The following RNF152 variants were observed in gnomAD, a reference collection of about 807,000 sequenced individuals.
RNF152 encodes E3 ubiquitin-protein ligase RNF152.
RNF152 carries 11 observed loss-of-function variants against 12.7 expected under a neutral mutation model. That is an observed-to-expected ratio of 0.86 (90% confidence interval 0.54 to 1.43). The LOEUF (loss-of-function observed/expected upper bound fraction) is 1.43, where lower values mean the gene tolerates loss of function less well. Ranked by LOEUF, RNF152 falls within the 40% of genes most tolerant of loss-of-function variation. The pLI is 0.00. For missense variants in RNF152, 255 were observed against 274.8 expected (o/e 0.93, Z 0.51); for synonymous variants, 113 against 120.3 (o/e 0.94, Z 0.40).
At chr18:61,857,764 C>T (rs1158438311) in intron 1 of RNF152, among the ~76,000 whole-genome samples, 1 of 152,138 alleles carries the variant, frequency 6.6e-6, no homozygotes, top group East Asian at 1.9e-4. Context: ...TGGATAATAG[C>T]CTATCACAAA....
chr18:61,876,981 G>C (rs1413904925), intron 1 of RNF152, among the ~76,000 whole-genome samples: 1 of 152,172 alleles, frequency 6.6e-6, no homozygotes, highest in African/African-American at 2.4e-5. Context: ...TGTATTTCCT[G>C]GAGACAGGGA....
intron 1 of RNF152, among the ~76,000 whole-genome samples, chr18:61,828,177 C>T (rs1420845275): frequency 1.3e-5 from 2 of 152,208 alleles, no homozygotes; most frequent in Non-Finnish European, 2.9e-5. Flanking sequence ...CATACATCTG[C>T]CCCTATCTCT....
intron 1 of RNF152, among the ~76,000 whole-genome samples, chr18:61,884,681 T>C (rs551034868): frequency 6.6e-5 from 10 of 152,254 alleles, no homozygotes; most frequent in Non-Finnish European, 1.3e-4. Context: ...TGCCTCAGCC[T>C]CCAGAGTAGC....
chr18:61,852,100 C>T (rs148391715), intron 1 of RNF152, among the ~76,000 whole-genome samples: 51 of 152,206 alleles, frequency 3.4e-4, no homozygotes, highest in Middle Eastern at 6.8e-3. Context: ...AGGAATATGA[C>T]GAGGCCAGCA....
chr18:61,844,157 G>GAAA (rs1910633406), intron 1 of RNF152, among the ~76,000 whole-genome samples: 1 of 68,122 alleles, frequency 1.5e-5, no homozygotes, highest in African/African-American at 3.5e-5. Flanking sequence ...AGAAAAGGAA[G>GAAA]GAAGGGAGGA....
At chr18:61,821,348 T>C (rs77323740) in intron 1 of RNF152, among the ~76,000 whole-genome samples, 5,634 of 152,330 alleles carry the variant, frequency 0.037, 144 homozygotes, top group Admixed American at 0.057. Context: ...CTCTGATTTA[T>C]GCACTGATTT....
intron 1 of RNF152, among the ~76,000 whole-genome samples, chr18:61,827,197 C>T (rs1909710032): frequency 6.6e-6 from 1 of 152,164 alleles, no homozygotes; most frequent in Non-Finnish European, 1.5e-5. Context: ...CTATAGCAGG[C>T]CACAAAGTAG....
intron 1 of RNF152, among the ~76,000 whole-genome samples, chr18:61,865,910 C>T (rs1911704827): frequency 2.0e-5 from 3 of 152,176 alleles, no homozygotes; most frequent in Admixed American, 2.0e-4. Flanking sequence ...TTACATATCT[C>T]CCTGTTAGAA....
rs751649421 is a variant in RNF152, at chr18:61,815,820, G to GA, written c.*31_*32insT. On this transcript the variant is annotated 3_prime_UTR_variant, in exon 2 of 2. Coordinates refer to ENST00000312828, the MANE Select transcript of RNF152 (RefSeq NM_173557.3). ...CATCAACCTGCTCAACCCCTAAGTT[G>GA]GCACCCACAAGAGACTTCCCTGCAG... 5.9e-5 allele frequency: 94 copies of GA among 1,599,152 alleles called. 1 individual carries two copies. The highest frequency in any genetic ancestry group is 1.7e-4 in the Middle Eastern group (1 of 6,036).
At chr18:61,830,755 T>G (rs977252145) in intron 1 of RNF152, among the ~76,000 whole-genome samples, 2 of 140,610 alleles carry the variant, frequency 1.4e-5, no homozygotes, top group African/African-American at 2.6e-5. Context: ...TACAAAGAGC[T>G]GAGAGTGAAG....
chr18:61,893,761 C>A (rs1913078489), upstream of RNF152: 2 of 151,798 alleles, frequency 1.3e-5, no homozygotes, highest in African/African-American at 2.4e-5. Flanking sequence ...CACGTGCACA[C>A]CCAGGGGCGC....
intron 1 of RNF152, among the ~76,000 whole-genome samples, chr18:61,833,080 T>G (rs553323063): frequency 6.6e-6 from 1 of 152,332 alleles, no homozygotes; most frequent in South Asian, 2.1e-4. Context: ...CTCAGCTGTA[T>G]CTACTAAAAT....
chr18:61,816,543 G>C lies in RNF152; in HGVS notation c.-80C>G, dbSNP rs1032684365. 6.7e-7 allele frequency: 1 copy of C among 1,497,114 alleles called. No individual in the cohort carries two copies. Among genetic ancestry groups the C allele is most frequent in the African/African-American group, 1.4e-5 (1 of 72,016 alleles). The allele number at this position is 1,497,114 out of a possible 1,614,324, so 92.7% of individuals were successfully genotyped here. On this transcript the variant is annotated 5_prime_UTR_variant, in exon 2 of 2. Transcript: ENST00000312828. ...TCAGAGGCCACCGCCCTGTGTCTTT[G>C]CAGTGCAGGTAATGGCAAGCTCACA...
At chr18:61,843,217 C>T (rs1305807075) in intron 1 of RNF152, among the ~76,000 whole-genome samples, 4 of 152,172 alleles carry the variant, frequency 2.6e-5, no homozygotes, top group Non-Finnish European at 5.9e-5. Flanking sequence ...AACTCGTGCA[C>T]ACCCTACAGA....
chr18:61,858,428 T>C (rs1385736179), intron 1 of RNF152, among the ~76,000 whole-genome samples: 5 of 151,882 alleles, frequency 3.3e-5, no homozygotes, highest in African/African-American at 4.8e-5. Context: ...TCTGGACCTA[T>C]CTCCCCTGCA....
intron 1 of RNF152, among the ~76,000 whole-genome samples, chr18:61,850,626 T>G (rs1910928846): frequency 6.6e-6 from 1 of 152,152 alleles, no homozygotes. Context: ...AAGGGAATCT[T>G]GGAAAAAGGA....
intron 1 of RNF152, among the ~76,000 whole-genome samples, chr18:61,835,625 C>T (rs1910146164): frequency 6.6e-6 from 1 of 152,054 alleles, no homozygotes; most frequent in South Asian, 2.1e-4. Flanking sequence ...AAAGGATAAA[C>T]AAAATCAAAC....
rs149618143 is a variant in RNF152 at position 61,816,263 on chromosome 18, C to T, written c.201G>A (p.Ser67=). 30 of 1,614,202 alleles carry T rather than the reference C, an allele frequency of 1.9e-5. No homozygotes were observed. The South Asian group carries it at 2.5e-4, about 14-fold the overall frequency. ...VTKLPPGFSV[S]QLPDDPEVLA... ...GGACCTCCGGGTCGTCCGGGAGCTG[C>T]GACACGGAGAAGCCGGGAGGCAGCT... The change falls in exon 2 of 2, where the codon TCG becomes TCA. Residue 67 remains serine, a synonymous_variant. Transcript: ENST00000312828.
rs535607240 is a variant in RNF152, at chr18:61,817,630, C to A, written c.-135-1032G>T. 2.8e-4 allele frequency among the ~76,000 whole-genome samples: 42 copies of A among 152,078 alleles called. No homozygotes were observed. In the South Asian group the frequency reaches 7.9e-3, roughly 29 times the overall value. On this transcript the variant is annotated intron_variant, in intron 1 of 1. Coordinates refer to ENST00000312828, the MANE Select transcript of RNF152 (RefSeq NM_173557.3). Reference sequence around the variant, plus strand: ...ACAGGTTTTGGTATACATGGGGGTCCTGGAACCAATGCCCTCAGATAGAGA... The same window carrying A: ...ACAGGTTTTGGTATACATGGGGGTCATGGAACCAATGCCCTCAGATAGAGA...
Sources: allele counts gnomAD v4.1 joint callset (sites outside exome capture counted in the v4.1 genomes callset), GRCh38; gene constraint gnomAD v4.1.1; transcripts MANE v1.5; gene names NCBI Gene and HGNC (gene_info 2026-07-23, HGNC 2026-07-21).